TRIO: variants seen among roughly 807,000 people sequenced by gnomAD.
TRIO encodes triple functional domain protein.
In TRIO, 58 loss-of-function variants were observed where a neutral mutation model predicts 351.9. The observed-to-expected ratio is 0.16, with a 90% confidence interval of 0.13 to 0.21. TRIO has a LOEUF of 0.21. TRIO is among the 10% of genes least tolerant of loss of function. The probability of loss-of-function intolerance (pLI) is 1.00; values close to 1 mark genes in which losing one functional copy is unlikely to be tolerated. For missense variants in TRIO, 3,201 were observed against 4,027.8 expected, an observed-to-expected ratio of 0.79 and a Z score of 5.56; for synonymous variants, 1,758 against 1,595.7, an observed-to-expected ratio of 1.10 and a Z score of -2.42.
At chr5:14,196,422 CAAAAA>C (rs71597902) in intron 1 of TRIO, among the ~76,000 whole-genome samples, 3 of 101,686 alleles carry the variant, frequency 3.0e-5, no homozygotes, top group African/African-American at 1.2e-4. Flanking sequence ...GACTCCGTCT[CAAAAA>C]AAAAAAAAAA....
rs3840116 is a variant in TRIO at position 14,476,014 on chromosome 5, CTG to C, written c.6084-877_6084-876del. 2.6e-3 allele frequency among the ~76,000 whole-genome samples: 396 copies of C among 152,316 alleles called. 15 individuals are homozygous for C. In the East Asian group the frequency reaches 0.063, roughly 24 times the overall value. On this transcript the variant is annotated intron_variant, in intron 40 of 56. Transcript: ENST00000344204. ...TTGTTGTCCTACAGCTATTTTGTCACTGTGATGATACCTAATTTTAATCTTAA... is the reference window on the plus strand; with the variant it reads ...TTGTTGTCCTACAGCTATTTTGTCACTGATGATACCTAATTTTAATCTTAA...
chr5:14,298,509 G>C (rs1056616929), intron 7 of TRIO, among the ~76,000 whole-genome samples: 2 of 152,186 alleles, frequency 1.3e-5, no homozygotes, highest in Admixed American at 6.5e-5. Context: ...CATTTGCACG[G>C]ATGCTTCTTA....
chr5:14,464,812 G>A (rs542133373), intron 36 of TRIO, among the ~76,000 whole-genome samples: 3 of 152,018 alleles, frequency 2.0e-5, no homozygotes, highest in Non-Finnish European at 2.9e-5. Context: ...GTTAATTAAC[G>A]GCTCAAGTAA....
chr5:14,307,241 C>T (rs1738451934), intron 8 of TRIO, among the ~76,000 whole-genome samples: 1 of 152,182 alleles, frequency 6.6e-6, no homozygotes, highest in Admixed American at 6.5e-5. Context: ...GTCAGCAAAG[C>T]ACCATTGATA....
chr5:14,295,967 G>A (rs1177680124), intron 6 of TRIO, among the ~76,000 whole-genome samples: 1 of 152,222 alleles, frequency 6.6e-6, no homozygotes, highest in African/African-American at 2.4e-5. Context: ...GAAATAGAGG[G>A]AAAGGATGAA....
chr5:14,309,795 G>A (rs540651425), intron 8 of TRIO, among the ~76,000 whole-genome samples: 37 of 152,274 alleles, frequency 2.4e-4, no homozygotes, highest in Middle Eastern at 3.4e-3. Flanking sequence ...AGCAGGGCTT[G>A]CTTTGCTTTT....
chr5:14,509,034 G>T lies in TRIO; in HGVS notation c.*612G>T. The T allele has an allele frequency of 5.4e-6, 1 of 185,008 alleles. No individual in the cohort carries two copies. The highest frequency in any genetic ancestry group is 1.1e-5 in the Non-Finnish European group (1 of 88,418). 11.5% of individuals were successfully genotyped at this position (185,008 alleles called of 1,614,324 possible). ...TGTATATAAGACTGTTCCTGCCTTC[G>T]GTCTGTCATTTTCCCACCTGCCTCC... On this transcript the variant is annotated 3_prime_UTR_variant, in exon 57 of 57. Transcript: ENST00000344204.
rs183324188 is a variant in TRIO at position 14,477,109 on chromosome 5, A to T, written c.6153+146A>T. On this transcript the variant is annotated intron_variant, in intron 41 of 56. Transcript: ENST00000344204. ...AAACTGCATGGTGTTAATGAGTTGGAATTAAAATCCCTTCTTCAACATGAG... is the reference window on the plus strand; with the variant it reads ...AAACTGCATGGTGTTAATGAGTTGGTATTAAAATCCCTTCTTCAACATGAG... 32 of 683,798 alleles carry T rather than the reference A, an allele frequency of 4.7e-5. No homozygotes were observed. The African/African-American group carries it at 5.5e-4, about 12-fold the overall frequency. The allele number at this position is 683,798 out of a possible 1,614,324, so 42.4% of individuals were successfully genotyped here.
In TRIO at chr5:14,487,737, C is replaced by A; in HGVS notation, c.7109C>A (p.Ser2370Tyr). The A allele has an allele frequency of 7.0e-7, 1 of 1,428,856 alleles. No individual in the cohort carries two copies. 88.5% of individuals were successfully genotyped at this position (1,428,856 alleles called of 1,614,324 possible). ...QAEADKMSGT[S>Y]TPGPSLPPPG... is the part of the protein sequence containing the mutation. ...GAGGCAGACAAGATGTCAGGTACGT[C>A]CACCCCCGGGCCCTCCCTGCCTCCC... Residue 2370 changes from serine to tyrosine, a missense_variant, in exon 48 of 57, where the codon TCC becomes TAC. By Grantham distance (144) the Ser-to-Tyr change is moderately radical. Coordinates refer to ENST00000344204, the MANE Select transcript of TRIO (RefSeq NM_007118.4).
At chr5:14,335,851 G>C (rs1434331507) in intron 10 of TRIO, among the ~76,000 whole-genome samples, 1 of 152,132 alleles carries the variant, frequency 6.6e-6, no homozygotes, top group Non-Finnish European at 1.5e-5. Context: ...TGTGGTTCCA[G>C]CTACTTGGAA....
intron 1 of TRIO, among the ~76,000 whole-genome samples, chr5:14,168,238 TATC>T (rs1365162535): frequency 6.6e-6 from 1 of 152,240 alleles, no homozygotes; most frequent in African/African-American, 2.4e-5. Context: ...TCATGGACCT[TATC>T]ATCCGTGAGA....
chr5:14,335,391 A>G (rs532555845), intron 10 of TRIO, among the ~76,000 whole-genome samples: 3 of 151,946 alleles, frequency 2.0e-5, no homozygotes, highest in Non-Finnish European at 4.4e-5. Context: ...CCCAAAGCTG[A>G]CTTCCTGGGC....
intron 34 of TRIO, among the ~76,000 whole-genome samples, chr5:14,456,280 A>G (rs1753297525): frequency 6.6e-6 from 1 of 152,232 alleles, no homozygotes; most frequent in African/African-American, 2.4e-5. Flanking sequence ...GTGCAAGCAG[A>G]GGGAGCCCTC....
At position 14,400,990 on chromosome 5, in the gene TRIO, G is replaced by T. The variant is rs767231612; in HGVS notation, c.4642G>T (p.Val1548Phe). ...FTSELGVTEH[V>F]EGDPCKFALW... is the part of the protein sequence containing the mutation. ...CTCAGAGTTGGGTGTCACAGAACATGTTGAAGGAGACCCTTGCAAATTTGC... is the reference window on the plus strand; with the variant it reads ...CTCAGAGTTGGGTGTCACAGAACATTTTGAAGGAGACCCTTGCAAATTTGC... Residue 1548 changes from valine to phenylalanine, a missense_variant, in exon 31 of 57, where the codon GTT (valine) becomes TTT (phenylalanine). Around this residue, in one of 19 missense-constraint regions of TRIO, gnomAD observed 136 missense variants for 229.5 expected, o/e 0.59. Coordinates refer to ENST00000344204, the MANE Select transcript of TRIO (RefSeq NM_007118.4). 6.2e-7 allele frequency: 1 copy of T among 1,614,110 alleles called. No individual in the cohort carries two copies. The highest frequency in any genetic ancestry group is 8.5e-7 in the Non-Finnish European group (1 of 1,180,014).
intron 10 of TRIO, 134 bp downstream of exon 10, chr5:14,331,034 G>A (rs554904309): frequency 2.7e-5 from 35 of 1,296,536 alleles, no homozygotes; most frequent in Non-Finnish European, 3.4e-5. Flanking sequence ...TAAAGGCTCC[G>A]ATTTCAGAGT....
At chr5:14,502,698 C>A in intron 54 of TRIO, 41 bp downstream of exon 54, 1 of 1,590,112 alleles carries the variant, frequency 6.3e-7, no homozygotes, top group Middle Eastern at 1.7e-4. Flanking sequence ...AAGAGCAGAG[C>A]GTGGGGAAGA....
At chr5:14,505,405 T>C (rs998391446) in intron 55 of TRIO, among the ~76,000 whole-genome samples, 2 of 152,190 alleles carry the variant, frequency 1.3e-5, no homozygotes, top group Non-Finnish European at 2.9e-5. Context: ...GGGGAGTCAT[T>C]TTATACATTT....
In TRIO at chr5:14,452,046, C is replaced by G. The variant is rs1161766215; in HGVS notation, c.5204-8973C>G. On this transcript the variant is annotated intron_variant, in intron 34 of 56. Coordinates refer to ENST00000344204, the MANE Select transcript of TRIO (RefSeq NM_007118.4). Reference sequence around the variant, plus strand: ...GCATCCGTGGGTGGCCCTGTCTCATCGGAAACGCCCTGGCTGTCAATCGGC... The same window carrying G: ...GCATCCGTGGGTGGCCCTGTCTCATGGGAAACGCCCTGGCTGTCAATCGGC... 2.0e-5 allele frequency among the ~76,000 whole-genome samples: 3 copies of G among 152,366 alleles called. No homozygotes were observed. In the South Asian group the frequency reaches 6.2e-4, roughly 32 times the overall value.
chr5:14,199,212 AAAAAAAAC>A (rs1418428995), intron 1 of TRIO, among the ~76,000 whole-genome samples: 1 of 148,754 alleles, frequency 6.7e-6, no homozygotes, highest in African/African-American at 2.6e-5. Flanking sequence ...AAAAAAAAAA[AAAAAAAAC>A]CTCCCTAAAA....
Sources: gnomAD v4.1 joint callset for allele counts (sites outside exome capture counted in the v4.1 genomes callset) on GRCh38, gnomAD v4.1.1 for gene constraint, gnomAD v4.1.1 regional missense constraint, MANE v1.5 for transcripts, NCBI Gene and HGNC (gene_info 2026-07-23, HGNC 2026-07-21) for gene names.